Variants in BMP7 observed in about 807,000 individuals in gnomAD.
BMP7 encodes bone morphogenetic protein 7.
Under a neutral mutation model 41.2 loss-of-function variants are expected in BMP7, and 12 were observed. The ratio of observed to expected loss-of-function variants is 0.29; its 90% CI spans 0.19 to 0.47. BMP7 has a LOEUF of 0.47. BMP7 is among the 20% of genes least tolerant of loss of function. The pLI is 0.99. For synonymous variants in BMP7, 248 were observed against 250.0 expected (o/e 0.99, Z 0.07); for missense variants, 467 against 606.0 (o/e 0.77, Z 2.41).
At chr20:57,197,567 G>T (rs146313328) in intron 3 of BMP7, among the ~76,000 whole-genome samples, 95 of 152,308 alleles carry the variant, frequency 6.2e-4, no homozygotes, top group African/African-American at 2.2e-3. Flanking sequence ...GGAGTCATGA[G>T]AAAGTTCCCC....
At position 57,173,242 on chromosome 20, in the gene BMP7, G is replaced by A. The variant is rs151141435; in HGVS notation, c.1104C>T (p.Asn368=). The A allele has an allele frequency of 1.7e-5, 28 of 1,614,068 alleles. No homozygotes were observed. Among genetic ancestry groups the A allele is most frequent in the African/African-American group, 5.3e-5 (4 of 74,928 alleles). ...CGTGGTTGGTGGCGTTCATGTAGGA[G>A]TTCAGAGGGAAGGCACACTCCCCCT... is the stretch of plus-strand genomic sequence containing the variant. ...YCEGECAFPL[N]SYMNATNHAI... The change falls in exon 6 of 7, where the codon AAC becomes AAT. Residue 368 remains asparagine (N), a synonymous_variant. Coordinates refer to ENST00000395863, the MANE Select transcript of BMP7 (RefSeq NM_001719.3).
intron 2 of BMP7, among the ~76,000 whole-genome samples, chr20:57,212,852 C>G (rs1361805579): frequency 6.6e-6 from 1 of 152,230 alleles, no homozygotes; most frequent in Non-Finnish European, 1.5e-5. Flanking sequence ...TTCTGAGCTG[C>G]AGGCTGGGGA....
intron 1 of BMP7, chr20:57,244,123 G>A (rs1221903562): frequency 1.3e-5 from 2 of 152,232 alleles, no homozygotes; most frequent in African/African-American, 4.8e-5. Flanking sequence ...AGTCACACGC[G>A]AGCTTATTAC....
In BMP7 at chr20:57,169,759, G is replaced by GA. The variant is rs1983772566; in HGVS notation, c.*1199_*1200insT. Reference sequence around the variant, plus strand: ...TGGAGAACTAGGCTTCATTGGTGCTGTTTTTTTTTTCTTTTGAGATGGAGT... The same window carrying GA: ...TGGAGAACTAGGCTTCATTGGTGCTGATTTTTTTTTTCTTTTGAGATGGAGT... On this transcript the variant is annotated 3_prime_UTR_variant, in exon 7 of 7. Transcript: ENST00000395863. 6.7e-6 allele frequency: 1 copy of GA among 149,366 alleles called. No individual in the cohort carries two copies. The highest frequency in any genetic ancestry group is 1.5e-5 in the Non-Finnish European group (1 of 67,044). 9.3% of individuals were successfully genotyped at this position (149,366 alleles called of 1,614,324 possible).
At position 57,214,688 on chromosome 20, in the gene BMP7, C is replaced by T. The variant is rs1984971973; in HGVS notation, c.612-12065G>A. Among the ~76,000 whole-genome samples the T allele has an allele frequency of 6.6e-6, 1 of 152,214 alleles. No individual in the cohort carries two copies. The highest frequency in any genetic ancestry group is 2.4e-5 in the African/African-American group (1 of 41,458). On this transcript the variant is annotated intron_variant, in intron 2 of 6. Transcript: ENST00000395863. This position sits in a 1 kb window ranked among gnomAD's most constrained non-coding sequence, Gnocchi z 4.0. ...ATCCCAGGGAAGCGTCCACTGATGC[C>T]CTAATGGTGCATCCACGTCGGACAC...
At chr20:57,173,411 C>A in intron 5 of BMP7, 101 bp from the exon 6 acceptor site, 1 of 1,155,424 alleles carries the variant, frequency 8.7e-7, no homozygotes, top group Non-Finnish European at 1.3e-6. Flanking sequence ...GCTCACGACC[C>A]AAGGTGGAAG....
chr20:57,192,089 T>C (rs1984375198), intron 3 of BMP7, among the ~76,000 whole-genome samples: 1 of 124,866 alleles, frequency 8.0e-6, no homozygotes, highest in Admixed American at 9.0e-5. Flanking sequence ...TATATTTATT[T>C]ATATTTATAA....
chr20:57,230,772 G>A (rs1443997311), intron 1 of BMP7, among the ~76,000 whole-genome samples: 2 of 151,360 alleles, frequency 1.3e-5, no homozygotes, highest in Non-Finnish European at 2.9e-5. Flanking sequence ...CGCCTCCCAG[G>A]CCCACACCAT....
chr20:57,250,012 A>G (rs549817122), intron 1 of BMP7, among the ~76,000 whole-genome samples: 1 of 152,338 alleles, frequency 6.6e-6, no homozygotes, highest in South Asian at 2.1e-4. Context: ...AAAGACAGAC[A>G]GACTTGCCAT....
intron 4 of BMP7, among the ~76,000 whole-genome samples, chr20:57,182,347 C>G (rs931526872): frequency 6.6e-6 from 1 of 152,212 alleles, no homozygotes; most frequent in Non-Finnish European, 1.5e-5. Flanking sequence ...GGGATCCCAG[C>G]ACCCCCAGGC....
chr20:57,176,137 T>C (rs867891061), intron 4 of BMP7, among the ~76,000 whole-genome samples: 1 of 152,302 alleles, frequency 6.6e-6, no homozygotes, highest in Middle Eastern at 3.4e-3. Context: ...AGTTCCCACA[T>C]TCCTAAGAAA....
intron 4 of BMP7, among the ~76,000 whole-genome samples, chr20:57,178,416 G>C (rs1326275025): frequency 6.6e-6 from 1 of 152,094 alleles, no homozygotes; most frequent in Admixed American, 6.5e-5. Flanking sequence ...CAGCCAGGGG[G>C]AGCCCAGAGG....
rs752779943 is a variant in BMP7 at position 57,202,480 on chromosome 20, A to T, written c.755T>A (p.Leu252Gln). 1 of 1,602,526 alleles carries T rather than the reference A, an allele frequency of 6.2e-7. No homozygotes were observed. The highest frequency in any genetic ancestry group is 8.5e-7 in the Non-Finnish European group (1 of 1,178,898). Residue 252 changes from leucine to glutamine, a missense_variant, in exon 3 of 7, where the codon CTG (leucine) becomes CAG (glutamine). This residue lies in a region of BMP7 where 407 missense variants were observed against 485.9 expected (regional missense o/e 0.84). Coordinates refer to ENST00000395863, the MANE Select transcript of BMP7 (RefSeq NM_001719.3). The stretch of plus-strand genomic sequence containing the variant: ...GCAGTGGCCGGGGGACTCACCATCC[A>T]GCGTCTCCACCGAGAGCTGCAGGCC... ...NLGLQLSVET[L>Q]DGQSINPKLA...
At chr20:57,249,030 T>C (rs1329589470) in intron 1 of BMP7, among the ~76,000 whole-genome samples, 1 of 151,974 alleles carries the variant, frequency 6.6e-6, no homozygotes, top group Non-Finnish European at 1.5e-5. Flanking sequence ...CTTGATCTCC[T>C]GATGTCATGA....
Position 57,174,898 on chromosome 20 carries a change from C to T in BMP7, c.1035+33G>A, listed in dbSNP as rs779093350. On this transcript the variant is annotated intron_variant, in intron 5 of 6. Transcript: ENST00000395863. This position sits in a 1 kb window ranked among gnomAD's most constrained non-coding sequence, Gnocchi z 4.3. Reference sequence around the variant, plus strand: ...CTCGTGGGAGCCCACGCCAGAGGGCCCACACCCAAGACAGACCCAGCCAGC... The same window carrying T: ...CTCGTGGGAGCCCACGCCAGAGGGCTCACACCCAAGACAGACCCAGCCAGC... 6 of 1,600,674 alleles carry T rather than the reference C, an allele frequency of 3.7e-6. No homozygotes were observed. The South Asian group carries it at 6.7e-5, about 18-fold the overall frequency.
chr20:57,225,292 G>A (rs1479436681), intron 2 of BMP7, among the ~76,000 whole-genome samples: 1 of 152,214 alleles, frequency 6.6e-6, no homozygotes, highest in Non-Finnish European at 1.5e-5. Flanking sequence ...CCTACTGGAA[G>A]ATTGCAGAAT....
chr20:57,251,656 G>A (rs891292151), intron 1 of BMP7, among the ~76,000 whole-genome samples: 9 of 152,228 alleles, frequency 5.9e-5, no homozygotes, highest in East Asian at 3.9e-4. Context: ...GCTTTTGGCC[G>A]GGCACAGTGG....
intron 3 of BMP7, among the ~76,000 whole-genome samples, chr20:57,185,878 A>G (rs1312902865): frequency 6.6e-6 from 1 of 151,580 alleles, no homozygotes; most frequent in Non-Finnish European, 1.5e-5. Context: ...AGTACTCAAT[A>G]AATGCTAGCT....
At chr20:57,219,103 GGTGGTAGCTGGTGTTT>G (rs1985119207) in intron 2 of BMP7, among the ~76,000 whole-genome samples, 1 of 125,562 alleles carries the variant, frequency 8.0e-6, no homozygotes, top group Non-Finnish European at 1.5e-5. Flanking sequence ...GCTGGTGTTT[GGTGGTAGCTGGTGTTT>G]GTTCGGTGGT....
Sources: allele counts gnomAD v4.1 joint callset (sites outside exome capture counted in the v4.1 genomes callset), GRCh38; gene constraint gnomAD v4.1.1; regional missense constraint gnomAD v4.1.1; non-coding constraint Gnocchi (gnomAD v3.1); transcripts MANE v1.5; gene names NCBI Gene and HGNC (gene_info 2026-07-23, HGNC 2026-07-21).